The following FAM204A variants were observed in gnomAD, a reference collection of about 807,000 sequenced individuals.
The protein encoded by FAM204A is family with sequence similarity 204 member A.
FAM204A carries 16 observed loss-of-function variants against 35.4 expected under a neutral mutation model. The ratio of observed to expected loss-of-function variants is 0.45; its 90% CI spans 0.31 to 0.69. FAM204A has a LOEUF of 0.69. FAM204A is among the 30% of genes least tolerant of loss of function. The pLI is 0.07. For missense variants in FAM204A, 240 were observed against 265.7 expected (o/e 0.90, Z 0.67); for synonymous variants, 76 against 86.9 (o/e 0.88, Z 0.70).
chr10:118,310,523 G>C lies in FAM204A; in HGVS notation c.*334C>G. ...AAAAAAAAGAAAGAAAGTACGAGAA[G>C]CTCACTGGCTGTGCTAAACCAAATG... On this transcript the variant is annotated 3_prime_UTR_variant, in exon 9 of 9. Coordinates refer to ENST00000369183, the MANE Select transcript of FAM204A (RefSeq NM_022063.3). 1 of 221,438 alleles carries C rather than the reference G, an allele frequency of 4.5e-6. No homozygotes were observed. The allele number at this position is 221,438 out of a possible 1,614,324, so 13.7% of individuals were successfully genotyped here. A position where few individuals can be genotyped will look rare whatever the true frequency, so the allele number is the denominator to read the frequency against.
chr10:118,340,348 T>C (rs527330677), intron 2 of FAM204A, among the ~76,000 whole-genome samples: 1 of 152,348 alleles, frequency 6.6e-6, no homozygotes, highest in African/African-American at 2.4e-5. Context: ...TGGTTTCTAG[T>C]CCTGAGCAAC....
intron 6 of FAM204A, among the ~76,000 whole-genome samples, chr10:118,328,089 A>G (rs1200265707): frequency 1.3e-5 from 2 of 152,202 alleles, no homozygotes; most frequent in Non-Finnish European, 2.9e-5. Flanking sequence ...ATCTCTTTGT[A>G]TATCAATGCA....
At chr10:118,314,767 A>C (rs937524392) in intron 7 of FAM204A, among the ~76,000 whole-genome samples, 1 of 152,188 alleles carries the variant, frequency 6.6e-6, no homozygotes, top group Non-Finnish European at 1.5e-5. Flanking sequence ...ATATATACAA[A>C]ATTTCTTGTA....
intron 6 of FAM204A, among the ~76,000 whole-genome samples, chr10:118,334,353 T>C (rs1846345192): frequency 6.6e-6 from 1 of 152,140 alleles, no homozygotes; most frequent in South Asian, 2.1e-4. Flanking sequence ...CCCTATCACC[T>C]CGCAAGCAAT....
Position 118,336,313 on chromosome 10 carries a change from C to T in FAM204A, c.103G>A (p.Asp35Asn), listed in dbSNP as rs780993855. The T allele has an allele frequency of 6.2e-6, 10 of 1,613,890 alleles. No individual in the cohort carries two copies. The African/African-American group carries it at 1.2e-4, about 19-fold the overall frequency. Residue 35 changes from aspartate to asparagine, a missense_variant, in exon 3 of 9, where the codon GAT becomes AAT. By Grantham distance (23) the Asp-to-Asn change is conservative. Around this residue, in one of 2 missense-constraint regions of FAM204A, gnomAD observed 232 missense variants for 242.8 expected, o/e 0.96. Transcript: ENST00000369183. ...LENSGLNLQE[D>N]KEDESIRKTE... ...TTTCTGATGCTCTCATCCTCTTTAT[C>T]TTCCTGTAAGTTAAGTCCAGAGTTC...
intron 7 of FAM204A, among the ~76,000 whole-genome samples, chr10:118,315,562 T>C (rs1846017570): frequency 6.6e-6 from 1 of 152,184 alleles, no homozygotes; most frequent in Non-Finnish European, 1.5e-5. Flanking sequence ...TTTAATTAAA[T>C]GAAAACAGAT....
chr10:118,338,860 C>T (rs778790376), intron 2 of FAM204A, among the ~76,000 whole-genome samples: 2 of 152,170 alleles, frequency 1.3e-5, no homozygotes, highest in Admixed American at 6.5e-5. Context: ...AGAAGGCATG[C>T]TTTTTGCTGT....
chr10:118,329,536 C>T (rs1846256169), intron 6 of FAM204A, among the ~76,000 whole-genome samples: 2 of 152,154 alleles, frequency 1.3e-5, no homozygotes, highest in Admixed American at 1.3e-4. Context: ...TCTATCTACG[C>T]AGAGCTCCTC....
In FAM204A at chr10:118,309,381, A is replaced by G. The variant is rs979289150; in HGVS notation, c.*1476T>C. The G allele has an allele frequency of 2.6e-5, 4 of 152,240 alleles. No homozygotes were observed. The highest frequency in any genetic ancestry group is 9.6e-5 in the African/African-American group (4 of 41,458). The allele number at this position is 152,240 out of a possible 1,614,324, so 9.4% of individuals were successfully genotyped here. A position where few individuals can be genotyped will look rare whatever the true frequency, so the allele number is the denominator to read the frequency against. ...TAAATAAAATTTTGTTACTATTTTA[A>G]GTCTAAAAATAACAGTAATATAATC... On this transcript the variant is annotated 3_prime_UTR_variant, in exon 9 of 9. Transcript: ENST00000369183.
chr10:118,328,581 C>A (rs906465641), intron 6 of FAM204A, among the ~76,000 whole-genome samples: 1 of 151,898 alleles, frequency 6.6e-6, no homozygotes, highest in African/African-American at 2.4e-5. Flanking sequence ...CAACCTCCAC[C>A]TCCTGGGTTC....
intron 7 of FAM204A, among the ~76,000 whole-genome samples, chr10:118,324,757 A>G (rs1846171535): frequency 6.6e-6 from 1 of 152,152 alleles, no homozygotes; most frequent in African/African-American, 2.4e-5. Context: ...GGAGGAGGGT[A>G]GTGATGGTTG....
intron 7 of FAM204A, among the ~76,000 whole-genome samples, chr10:118,313,803 A>T (rs575080059): frequency 5.9e-5 from 9 of 152,218 alleles, no homozygotes; most frequent in Admixed American, 2.0e-4. Flanking sequence ...GCCATGTAAC[A>T]TTAACAATGT....
chr10:118,337,219 T>C (rs1846403121), intron 2 of FAM204A: 1 of 983,906 alleles, frequency 1.0e-6, no homozygotes, highest in Non-Finnish European at 1.2e-6. Context: ...AATACTCAAG[T>C]ACATACTCAC....
chr10:118,324,453 T>C (rs888747204), intron 7 of FAM204A, among the ~76,000 whole-genome samples: 13 of 152,064 alleles, frequency 8.5e-5, no homozygotes, highest in African/African-American at 3.1e-4. Flanking sequence ...ATAAGCAAAA[T>C]GCAATACAAA....
intron 7 of FAM204A, among the ~76,000 whole-genome samples, chr10:118,325,265 G>T (rs1209419000): frequency 6.6e-6 from 1 of 152,138 alleles, no homozygotes; most frequent in East Asian, 1.9e-4. Context: ...GAGTGCAACA[G>T]TATTTCCATA....
At chr10:118,312,036 G>C (rs1382848144) in intron 7 of FAM204A, among the ~76,000 whole-genome samples, 1 of 152,110 alleles carries the variant, frequency 6.6e-6, no homozygotes, top group East Asian at 1.9e-4. Context: ...AACAGTCCCT[G>C]TTTCTCCAGC....
At chr10:118,320,287 TTAAA>T in intron 7 of FAM204A, among the ~76,000 whole-genome samples, 1 of 148,690 alleles carries the variant, frequency 6.7e-6, no homozygotes, top group Middle Eastern at 3.3e-3. Flanking sequence ...ACTTTATTTA[TTAAA>T]TAAAATAAAT....
At chr10:118,336,586 T>C (rs1344536050) in intron 2 of FAM204A, among the ~76,000 whole-genome samples, 163 bp from the exon 3 acceptor site, 1 of 151,986 alleles carries the variant, frequency 6.6e-6, no homozygotes, top group African/African-American at 2.4e-5. Context: ...GAACCTGTTA[T>C]AAAATAATTA....
chr10:118,328,218 C>T (rs1334880514), intron 6 of FAM204A, among the ~76,000 whole-genome samples: 1 of 152,164 alleles, frequency 6.6e-6, no homozygotes, highest in Non-Finnish European at 1.5e-5. Context: ...CCAAGTCTTT[C>T]TACCTAATTC....
Sources: gnomAD v4.1 joint callset for allele counts (sites outside exome capture counted in the v4.1 genomes callset) on GRCh38, gnomAD v4.1.1 for gene constraint, gnomAD v4.1.1 regional missense constraint, MANE v1.5 for transcripts, NCBI Gene and HGNC (gene_info 2026-07-23, HGNC 2026-07-21) for gene names.